Variants in ST6GALNAC3 observed in about 807,000 individuals in gnomAD.
ST6GALNAC3 encodes alpha-N-acetylgalactosaminide alpha-2,6-sialyltransferase 3.
Under a neutral mutation model 32.7 loss-of-function variants are expected in ST6GALNAC3, and 25 were observed. The ratio of observed to expected loss-of-function variants is 0.76; its 90% CI spans 0.56 to 1.07. The LOEUF is 1.07. Ranked by LOEUF, ST6GALNAC3 falls within the 50% of genes least tolerant of loss-of-function variation. ST6GALNAC3 has a pLI of 0.00. For missense variants in ST6GALNAC3, 355 were observed against 382.4 expected (o/e 0.93, Z 0.60); for synonymous variants, 129 against 133.1 (o/e 0.97, Z 0.21).
intron 3 of ST6GALNAC3, among the ~76,000 whole-genome samples, chr1:76,529,147 T>A (rs1663097121): frequency 6.6e-6 from 1 of 152,102 alleles, no homozygotes; most frequent in Non-Finnish European, 1.5e-5. Flanking sequence ...TATATGAATA[T>A]TGTATGCTGA....
chr1:76,102,949 TA>T (rs1647287529), intron 1 of ST6GALNAC3, among the ~76,000 whole-genome samples: 1 of 152,116 alleles, frequency 6.6e-6, no homozygotes, highest in South Asian at 2.1e-4. Flanking sequence ...CTATCACTCT[TA>T]GGGATATTTC....
intron 3 of ST6GALNAC3, among the ~76,000 whole-genome samples, chr1:76,555,894 C>T (rs1381820579): frequency 1.3e-5 from 2 of 152,028 alleles, no homozygotes; most frequent in African/African-American, 2.4e-5. Flanking sequence ...TATTCATATA[C>T]CATACAACTC....
Position 76,325,812 on chromosome 1 carries a change from G to A in ST6GALNAC3, c.213+11813G>A, listed in dbSNP as rs1313760604. On this transcript the variant is annotated intron_variant, in intron 2 of 4. Transcript: ENST00000328299. Reference sequence around the variant, plus strand: ...ACACAAATATATATATATATATTTGGTCTTTTTGTGCTCTTTATTTTGTTT... The same window carrying A: ...ACACAAATATATATATATATATTTGATCTTTTTGTGCTCTTTATTTTGTTT... Among the ~76,000 whole-genome samples the A allele has an allele frequency of 2.0e-5, 3 of 148,744 alleles. No individual in the cohort carries two copies. The East Asian group carries it at 6.0e-4, about 30-fold the overall frequency.
chr1:76,234,759 C>G (rs1656554730), intron 1 of ST6GALNAC3, among the ~76,000 whole-genome samples: 1 of 152,206 alleles, frequency 6.6e-6, no homozygotes, highest in African/African-American at 2.4e-5. Context: ...TCTCAGCTTT[C>G]TAAACAGAGT....
At chr1:76,258,657 A>G (rs528286064) in intron 1 of ST6GALNAC3, among the ~76,000 whole-genome samples, 3 of 152,238 alleles carry the variant, frequency 2.0e-5, no homozygotes, top group East Asian at 1.9e-4. Flanking sequence ...TTGAGTTCCT[A>G]CTATATATAA....
intron 1 of ST6GALNAC3, among the ~76,000 whole-genome samples, chr1:76,227,193 C>T (rs1418074587): frequency 6.6e-6 from 1 of 152,104 alleles, no homozygotes; most frequent in African/African-American, 2.4e-5. Flanking sequence ...TTCAGCTTGC[C>T]TTCCACCTCT....
chr1:76,210,044 T>G (rs867802632), intron 1 of ST6GALNAC3, among the ~76,000 whole-genome samples: 1 of 9,766 alleles, frequency 1.0e-4, no homozygotes, highest in African/African-American at 1.7e-4. Context: ...TAGAGCTGCG[T>G]TTTTTTTTTT....
At chr1:76,234,521 T>C (rs977738741) in intron 1 of ST6GALNAC3, among the ~76,000 whole-genome samples, 1 of 152,226 alleles carries the variant, frequency 6.6e-6, no homozygotes, top group African/African-American at 2.4e-5. Flanking sequence ...GGAAGGCCGA[T>C]GCCTATCTCT....
At chr1:76,357,176 C>T (rs1295985137) in intron 2 of ST6GALNAC3, among the ~76,000 whole-genome samples, 1 of 105,478 alleles carries the variant, frequency 9.5e-6, no homozygotes, top group Non-Finnish European at 1.8e-5. Flanking sequence ...ACTCTGTTAC[C>T]CAGGCTGGAG....
At chr1:76,306,678 T>TG (rs201402148) in intron 1 of ST6GALNAC3, among the ~76,000 whole-genome samples, 1 of 11,992 alleles carries the variant, frequency 8.3e-5, no homozygotes, top group Admixed American at 1.2e-3. Context: ...GTTTTTTTTT[T>TG]TGGGGGGCGG....
chr1:76,075,065 A>G (rs1397224717), intron 1 of ST6GALNAC3, among the ~76,000 whole-genome samples, 181 bp downstream of exon 1: 1 of 152,240 alleles, frequency 6.6e-6, no homozygotes, highest in Non-Finnish European at 1.5e-5. Context: ...CAGCTGGCAC[A>G]GCTTCTTTTC....
At chr1:76,299,282 G>A (rs1421106965) in intron 1 of ST6GALNAC3, among the ~76,000 whole-genome samples, 1 of 151,992 alleles carries the variant, frequency 6.6e-6, no homozygotes, top group African/African-American at 2.4e-5. Flanking sequence ...CAGATGAACT[G>A]GGAAGCTCTT....
chr1:76,466,896 A>G (rs976739203), intron 3 of ST6GALNAC3, among the ~76,000 whole-genome samples: 1 of 152,136 alleles, frequency 6.6e-6, no homozygotes, highest in Admixed American at 6.6e-5. Context: ...GTTCAGATTT[A>G]GCTGTTAAAT....
At chr1:76,131,243 G>A (rs535601020) in intron 1 of ST6GALNAC3, among the ~76,000 whole-genome samples, 1 of 152,294 alleles carries the variant, frequency 6.6e-6, no homozygotes, top group Admixed American at 6.5e-5. Flanking sequence ...GGCCCAACTG[G>A]TGTTAGTCCT....
intron 1 of ST6GALNAC3, among the ~76,000 whole-genome samples, chr1:76,093,895 A>C (rs1647085629): frequency 6.6e-6 from 1 of 152,254 alleles, no homozygotes; most frequent in Non-Finnish European, 1.5e-5. Context: ...CATAAGCCAG[A>C]GTTCTAAGCT....
At chr1:76,371,023 G>A (rs1650772724) in intron 2 of ST6GALNAC3, among the ~76,000 whole-genome samples, 1 of 152,002 alleles carries the variant, frequency 6.6e-6, no homozygotes, top group South Asian at 2.1e-4. Flanking sequence ...TCACACTTTA[G>A]AATGTAAATT....
chr1:76,500,784 T>C (rs1661131489), intron 3 of ST6GALNAC3, among the ~76,000 whole-genome samples: 1 of 152,206 alleles, frequency 6.6e-6, no homozygotes, highest in Admixed American at 6.5e-5. Flanking sequence ...TGAAAGATAA[T>C]TTTAGCAGAG....
chr1:76,147,558 C>T (rs1257822784), intron 1 of ST6GALNAC3, among the ~76,000 whole-genome samples: 1 of 152,154 alleles, frequency 6.6e-6, no homozygotes, highest in African/African-American at 2.4e-5. Context: ...TGACAGAGAA[C>T]TTTACCCCTC....
intron 2 of ST6GALNAC3, among the ~76,000 whole-genome samples, chr1:76,374,923 T>C (rs974022773): frequency 2.0e-5 from 3 of 152,182 alleles, no homozygotes; most frequent in Non-Finnish European, 4.4e-5. Context: ...TGTGGTTTTC[T>C]GCAATGGGCA....
Sources: allele counts gnomAD v4.1 joint callset (sites outside exome capture counted in the v4.1 genomes callset), GRCh38; gene constraint gnomAD v4.1.1; transcripts MANE v1.5; gene names NCBI Gene and HGNC (gene_info 2026-07-23, HGNC 2026-07-21).